Variants in CYTH1 observed in about 807,000 individuals in gnomAD.
CYTH1 encodes the protein cytohesin-1.
Under a neutral mutation model 61.8 loss-of-function variants are expected in CYTH1, and 18 were observed. The ratio of observed to expected loss-of-function variants is 0.29; its 90% CI spans 0.20 to 0.43. CYTH1 has a LOEUF of 0.43. Among genes scored for constraint, CYTH1 ranks in the 20% least tolerant of loss-of-function variants. The pLI, the probability that CYTH1 is intolerant of heterozygous loss-of-function variation, is 1.00. For synonymous variants in CYTH1, 174 were observed against 184.3 expected, an observed-to-expected ratio of 0.94 and a Z score of 0.45; for missense variants, 336 against 510.5, an observed-to-expected ratio of 0.66 and a Z score of 3.29.
intron 1 of CYTH1, among the ~76,000 whole-genome samples, chr17:78,738,915 T>C (rs2093331607): frequency 6.6e-6 from 1 of 152,230 alleles, no homozygotes; most frequent in African/African-American, 2.4e-5. Context: ...TCATGAGGCC[T>C]GAGTACTTAA....
intron 1 of CYTH1, among the ~76,000 whole-genome samples, chr17:78,748,912 C>T (rs967198915): frequency 3.3e-5 from 5 of 152,174 alleles, no homozygotes; most frequent in African/African-American, 1.2e-4. Context: ...CTCCACCCAT[C>T]CTTTACTCAG....
intron 1 of CYTH1, among the ~76,000 whole-genome samples, chr17:78,733,601 A>G (rs2144606772): frequency 6.6e-6 from 1 of 152,388 alleles, no homozygotes; most frequent in Admixed American, 6.5e-5. Context: ...CAGTGGGGAC[A>G]GGCATGTAAG....
chr17:78,684,900 T>C (rs778432747), intron 11 of CYTH1, among the ~76,000 whole-genome samples: 2 of 152,162 alleles, frequency 1.3e-5, no homozygotes, highest in Non-Finnish European at 2.9e-5. Flanking sequence ...AAGAAGTTTA[T>C]GAAAACATTA....
In CYTH1 at chr17:78,769,901, C is replaced by T. The variant is rs150301739; in HGVS notation, c.22+12301G>A. Among the ~76,000 whole-genome samples the T allele has an allele frequency of 2.3e-3, 351 of 151,890 alleles. 5 individuals carry two copies. The highest frequency in any genetic ancestry group is 8.3e-3 in the African/African-American group (344 of 41,428). Reference sequence around the variant, plus strand: ...GCACAGTGGCTCATGCCTGTAATCCCAGCACTTTGGGAGGCCGAGGTGGGT... The same window carrying T: ...GCACAGTGGCTCATGCCTGTAATCCTAGCACTTTGGGAGGCCGAGGTGGGT... On this transcript the variant is annotated intron_variant, in intron 1 of 13. Transcript: ENST00000446868.
intron 11 of CYTH1, among the ~76,000 whole-genome samples, chr17:78,685,082 C>A (rs369703259): frequency 6.6e-6 from 1 of 151,800 alleles, no homozygotes; most frequent in Non-Finnish European, 1.5e-5. Context: ...GCCTGTAATC[C>A]CAGCTACTCA....
intron 9 of CYTH1, 66 bp downstream of exon 9, chr17:78,698,203 A>G (rs1598843640): frequency 1.5e-6 from 2 of 1,323,372 alleles, no homozygotes; most frequent in East Asian, 2.3e-5. Context: ...GCACGCACAC[A>G]CGCACACACA....
chr17:78,728,561 A>C lies in CYTH1; in HGVS notation c.23-18829T>G, dbSNP rs540455779. 7.2e-5 allele frequency among the ~76,000 whole-genome samples: 11 copies of C among 152,286 alleles called. No homozygotes were observed. The South Asian group carries it at 2.3e-3, about 32-fold the overall frequency. On this transcript the variant is annotated intron_variant, in intron 1 of 13. Transcript: ENST00000446868. Reference sequence around the variant, plus strand: ...GAAACTCCATCTCAAAAAAAAAAAAATTATTTACATTACCAACATGATGTT... The same window carrying C: ...GAAACTCCATCTCAAAAAAAAAAAACTTATTTACATTACCAACATGATGTT...
chr17:78,735,645 G>A (rs2093316942), intron 1 of CYTH1, among the ~76,000 whole-genome samples: 1 of 152,168 alleles, frequency 6.6e-6, no homozygotes, highest in South Asian at 2.1e-4. Flanking sequence ...TGCACTTAGA[G>A]GTGGGGCTTT....
chr17:78,725,747 C>A (rs1340431133), intron 1 of CYTH1, among the ~76,000 whole-genome samples: 3 of 152,226 alleles, frequency 2.0e-5, no homozygotes, highest in African/African-American at 7.2e-5. Context: ...AGGCCAGAGA[C>A]TGCAGGTGGC....
intron 1 of CYTH1, among the ~76,000 whole-genome samples, chr17:78,774,509 T>C (rs539834313): frequency 2.0e-5 from 3 of 152,170 alleles, no homozygotes; most frequent in African/African-American, 4.8e-5. Flanking sequence ...TCACCACATA[T>C]TAACTTTTTA....
rs1213838385 is a variant in CYTH1 at position 78,760,430 on chromosome 17, T to C, written c.22+21772A>G. Among the ~76,000 whole-genome samples, 6 of 59,716 alleles carry C rather than the reference T, an allele frequency of 1.0e-4. No homozygotes were observed. The South Asian group carries it at 1.6e-3, about 16-fold the overall frequency. The allele number at this position is 59,716 out of a possible 152,430, so 39.2% of individuals were successfully genotyped here. A position where few individuals can be genotyped will look rare whatever the true frequency, so the allele number is the denominator to read the frequency against. On this transcript the variant is annotated intron_variant, in intron 1 of 13. Transcript: ENST00000446868. ...ATGTGTATATATATATATATACACA[T>C]ACATATATATATGTATATATATATA...
At chr17:78,759,878 G>A (rs1217069635) in intron 1 of CYTH1, among the ~76,000 whole-genome samples, 1 of 152,206 alleles carries the variant, frequency 6.6e-6, no homozygotes, top group African/African-American at 2.4e-5. Context: ...GGAGAGAACA[G>A]TTAGAGGTTC....
chr17:78,690,686 G>A (rs1011764051), intron 11 of CYTH1, among the ~76,000 whole-genome samples: 2 of 151,846 alleles, frequency 1.3e-5, no homozygotes, highest in Non-Finnish European at 2.9e-5. Flanking sequence ...GAGACAGAGC[G>A]AGACTCCGTC....
chr17:78,758,773 G>T (rs894766916), intron 1 of CYTH1, among the ~76,000 whole-genome samples: 2 of 152,130 alleles, frequency 1.3e-5, no homozygotes, highest in African/African-American at 4.8e-5. Context: ...GGTGGTCCTT[G>T]GTTCCTCAGC....
chr17:78,738,858 T>A (rs1010005405), intron 1 of CYTH1, among the ~76,000 whole-genome samples: 6 of 152,196 alleles, frequency 3.9e-5, no homozygotes, highest in Non-Finnish European at 7.3e-5. Flanking sequence ...TACTGTCAAA[T>A]GGTATAGCGT....
chr17:78,748,215 T>C (rs911016888), intron 1 of CYTH1, among the ~76,000 whole-genome samples: 6 of 152,166 alleles, frequency 3.9e-5, no homozygotes, highest in African/African-American at 1.4e-4. Context: ...CATTCTCTGA[T>C]TCTGAGAGCT....
In CYTH1 at chr17:78,676,140, T is replaced by G. The variant is rs1178005836; in HGVS notation, c.1148A>C (p.Glu383Ala). 2.5e-6 allele frequency: 4 copies of G among 1,611,084 alleles called. No homozygotes were observed. The South Asian group carries it at 4.4e-5, about 18-fold the overall frequency. The part of the protein sequence containing the change: ...KAAISRDPFY[E>A]MLAARKKKVS... The stretch of plus-strand genomic sequence containing the variant: ...CTTCTTTTTCCGTGCTGCGAGCATT[T>G]CGTAGAAAGGGTCCCTGCTGATGGC... The change falls in exon 14 of 14, where the codon GAA becomes GCA. Residue 383 changes from glutamate (E) to alanine (A), a missense_variant. Around this residue, in one of 4 missense-constraint regions of CYTH1, gnomAD observed 83 missense variants for 115.6 expected, o/e 0.72. Transcript: ENST00000446868.
chr17:78,769,145 CA>C (rs11291374), intron 1 of CYTH1, among the ~76,000 whole-genome samples: 58,312 of 141,460 alleles, frequency 0.41, 11,496 homozygotes, highest in East Asian at 0.54. Flanking sequence ...GACTATGTCT[CA>C]AAAAAAAAAA....
At chr17:78,741,065 G>T (rs1202263151) in intron 1 of CYTH1, among the ~76,000 whole-genome samples, 1 of 152,178 alleles carries the variant, frequency 6.6e-6, no homozygotes, top group Non-Finnish European at 1.5e-5. Flanking sequence ...CAAAGTAGAA[G>T]AAAACACTCG....
Sources: allele counts gnomAD v4.1 joint callset (sites outside exome capture counted in the v4.1 genomes callset), GRCh38; gene constraint gnomAD v4.1.1; regional missense constraint gnomAD v4.1.1; transcripts MANE v1.5; gene names NCBI Gene and HGNC (gene_info 2026-07-23, HGNC 2026-07-21).